Variants in STK3 observed in about 807,000 individuals in gnomAD.
The protein encoded by STK3 is serine/threonine-protein kinase 3.
STK3 carries 41 observed loss-of-function variants against 58.0 expected under a neutral mutation model. The ratio of observed to expected loss-of-function variants is 0.71; its 90% CI spans 0.55 to 0.92. The LOEUF is 0.92. Ranked by LOEUF, STK3 falls within the 40% of genes least tolerant of loss-of-function variation. The pLI is 0.00. For missense variants in STK3, 479 were observed against 602.7 expected, an observed-to-expected ratio of 0.79 and a Z score of 2.15; for synonymous variants, 170 against 191.0, an observed-to-expected ratio of 0.89 and a Z score of 0.91.
At chr8:98,934,143 T>C (rs906271868) in intron 1 of STK3, among the ~76,000 whole-genome samples, 8 of 152,200 alleles carry the variant, frequency 5.3e-5, no homozygotes, top group African/African-American at 1.7e-4. Context: ...GCCGACCAAG[T>C]CTGCTTTATA....
At chr8:98,614,754 C>T (rs1168760407) in intron 6 of STK3, among the ~76,000 whole-genome samples, 4 of 152,206 alleles carry the variant, frequency 2.6e-5, no homozygotes, top group Non-Finnish European at 5.9e-5. Context: ...TTCAGACCGG[C>T]TTAAAAAACG....
At chr8:98,615,176 G>C (rs1817584918) in intron 6 of STK3, among the ~76,000 whole-genome samples, 1 of 151,760 alleles carries the variant, frequency 6.6e-6, no homozygotes, top group Non-Finnish European at 1.5e-5. Flanking sequence ...CAGCCTAACT[G>C]GGAGGCACCC....
At chr8:98,441,049 C>A (rs905983677) in intron 1 of STK3, among the ~76,000 whole-genome samples, 1 of 152,148 alleles carries the variant, frequency 6.6e-6, no homozygotes, top group African/African-American at 2.4e-5. Flanking sequence ...TTAGTCTTCA[C>A]CACAACACTA....
intron 6 of STK3, among the ~76,000 whole-genome samples, chr8:98,700,553 A>G (rs1825492337): frequency 6.6e-6 from 1 of 152,162 alleles, no homozygotes; most frequent in Non-Finnish European, 1.5e-5. Context: ...ACTCTTAAAC[A>G]GAGATTGTCA....
downstream of STK3, among the ~76,000 whole-genome samples, chr8:98,451,298 C>T (rs765122539): frequency 2.6e-5 from 4 of 151,990 alleles, no homozygotes; most frequent in Non-Finnish European, 4.4e-5. Flanking sequence ...AAGTCTCTGC[C>T]GTCAGGAACT....
At chr8:98,693,689 C>T (rs926899982) in intron 6 of STK3, among the ~76,000 whole-genome samples, 1 of 152,190 alleles carries the variant, frequency 6.6e-6, no homozygotes, top group Non-Finnish European at 1.5e-5. Flanking sequence ...TGGTGTCAGA[C>T]AAACACAGGT....
At chr8:98,590,070 A>C (rs1359887213) in intron 7 of STK3, among the ~76,000 whole-genome samples, 1 of 152,196 alleles carries the variant, frequency 6.6e-6, no homozygotes, top group Non-Finnish European at 1.5e-5. Flanking sequence ...TGCGGCGCTC[A>C]TGCTGGGAGC....
At chr8:98,764,949 T>G (rs527976943) in intron 3 of STK3, among the ~76,000 whole-genome samples, 6 of 152,294 alleles carry the variant, frequency 3.9e-5, no homozygotes, top group Non-Finnish European at 7.4e-5. Context: ...AATGCTTGAT[T>G]ACATTTGCAT....
intron 7 of STK3, among the ~76,000 whole-genome samples, chr8:98,584,240 C>A (rs1301435209): frequency 1.3e-5 from 2 of 151,720 alleles, no homozygotes; most frequent in East Asian, 3.9e-4. Context: ...TAATGCTATC[C>A]CTCCCCCTTC....
chr8:98,595,409 G>T (rs557109832), intron 7 of STK3: 1 of 151,166 alleles, frequency 6.6e-6, no homozygotes, highest in Non-Finnish European at 1.5e-5. Context: ...CTTAACAATA[G>T]AAATCATTTA....
chr8:98,608,577 T>C (rs546991851), intron 6 of STK3, among the ~76,000 whole-genome samples: 1 of 152,340 alleles, frequency 6.6e-6, no homozygotes, highest in African/African-American at 2.4e-5. Flanking sequence ...TCTAAGTAAC[T>C]GTATTTTAAT....
chr8:98,522,750 G>A (rs968900316), intron 10 of STK3, among the ~76,000 whole-genome samples: 2 of 151,948 alleles, frequency 1.3e-5, no homozygotes, highest in African/African-American at 2.4e-5. Flanking sequence ...TTTCCATCTC[G>A]ATGAATTTGA....
intron 6 of STK3, among the ~76,000 whole-genome samples, chr8:98,649,806 T>G (rs1166412465): frequency 6.6e-6 from 1 of 152,206 alleles, no homozygotes; most frequent in Non-Finnish European, 1.5e-5. Flanking sequence ...ATTATTATGA[T>G]ATAGTTTTTG....
downstream of STK3, among the ~76,000 whole-genome samples, chr8:98,366,684 G>C (rs1817568028): frequency 1.3e-5 from 2 of 152,166 alleles, no homozygotes; most frequent in African/African-American, 4.8e-5. Context: ...TTTCCATTCT[G>C]TTTTACTGAT....
At chr8:98,482,229 T>C (rs28629221) in intron 10 of STK3, among the ~76,000 whole-genome samples, 1 of 152,238 alleles carries the variant, frequency 6.6e-6, no homozygotes, top group Non-Finnish European at 1.5e-5. Context: ...TTATATGCTT[T>C]AAAAGCATTA....
At position 98,706,536 on chromosome 8, in the gene STK3, C is replaced by T. The variant is rs762870573; in HGVS notation, c.615G>A (p.Trp205Ter). The stretch of plus-strand genomic sequence containing the variant: ...TTTCTATAGAAGTAATGCCAAGGGA[C>T]CAGATGTCGGCCACACAGTTATAGC... The part of the protein sequence containing the change: ...EIGYNCVADI[W>*]SLGITSIEMA... Residue 205 changes from tryptophan (W) to a stop codon, truncating the protein, a stop_gained, in exon 6 of 11, where the codon TGG (tryptophan) becomes TGA (stop). Coordinates refer to ENST00000419617, the MANE Select transcript of STK3 (RefSeq NM_006281.4). LOFTEE classifies it high-confidence loss of function. 1 of 1,613,848 alleles carries T rather than the reference C, an allele frequency of 6.2e-7. No individual in the cohort carries two copies. Among genetic ancestry groups the T allele is most frequent in the Admixed American group, 1.7e-5 (1 of 60,000 alleles).
intron 8 of STK3, among the ~76,000 whole-genome samples, chr8:98,558,862 GAT>G (rs1193365909): frequency 2.6e-5 from 4 of 151,932 alleles, no homozygotes; most frequent in Non-Finnish European, 5.9e-5. Context: ...CATAAACTTA[GAT>G]ATAATTTTGT....
downstream of STK3, among the ~76,000 whole-genome samples, chr8:98,399,840 T>A (rs964150608): frequency 1.3e-5 from 2 of 152,156 alleles, no homozygotes; most frequent in African/African-American, 4.8e-5. Flanking sequence ...AGCCCTGAGA[T>A]CTGGGAGGAA....
chr8:98,440,895 C>G (rs1830118074), intron 1 of STK3, among the ~76,000 whole-genome samples: 1 of 152,184 alleles, frequency 6.6e-6, no homozygotes, highest in Admixed American at 6.5e-5. Context: ...GAGAAGGTCA[C>G]TGTGAAGAAA....
Sources: gnomAD v4.1 joint callset for allele counts (sites outside exome capture counted in the v4.1 genomes callset) on GRCh38, gnomAD v4.1.1 for gene constraint, MANE v1.5 for transcripts, NCBI Gene and HGNC (gene_info 2026-07-23, HGNC 2026-07-21) for gene names.